The following GRM8 variants were observed in gnomAD, a reference collection of about 807,000 sequenced individuals.
GRM8 encodes metabotropic glutamate receptor 8.
Under a neutral mutation model 87.2 loss-of-function variants are expected in GRM8, and 47 were observed. That is an observed-to-expected ratio of 0.54 (90% CI 0.43 to 0.69). The LOEUF is 0.69. Ranked by LOEUF, GRM8 falls within the 30% of genes least tolerant of loss-of-function variation. The pLI is 0.00. For synonymous variants in GRM8, 396 were observed against 404.5 expected, an observed-to-expected ratio of 0.98 and a Z score of 0.25; for missense variants, 1,019 against 1,139.2, an observed-to-expected ratio of 0.89 and a Z score of 1.52.
intron 6 of GRM8, among the ~76,000 whole-genome samples, chr7:126,782,232 T>TA (rs1034120965): frequency 3.2e-4 from 48 of 151,746 alleles, no homozygotes; most frequent in Non-Finnish European, 6.3e-4. Flanking sequence ...TGGAGTGAAG[T>TA]AAAAAAAAAT....
At chr7:126,620,892 C>A (rs1800093383) in intron 7 of GRM8, among the ~76,000 whole-genome samples, 1 of 147,396 alleles carries the variant, frequency 6.8e-6, no homozygotes, top group African/African-American at 2.6e-5. Flanking sequence ...TAGTGCAATC[C>A]TCTCAGTTTT....
At chr7:127,084,250 T>C (rs1586951793) in intron 3 of GRM8, 1 of 152,192 alleles carries the variant, frequency 6.6e-6, no homozygotes, top group East Asian at 1.9e-4. Flanking sequence ...CAAGGCAGAA[T>C]GGATTGGTAG....
chr7:127,031,177 C>T (rs1817325258), intron 3 of GRM8, among the ~76,000 whole-genome samples: 1 of 152,142 alleles, frequency 6.6e-6, no homozygotes, highest in Non-Finnish European at 1.5e-5. Context: ...CAGACCTCCA[C>T]ATCCTGTATT....
intron 8 of GRM8, among the ~76,000 whole-genome samples, chr7:126,599,892 C>T (rs1487968269): frequency 2.0e-5 from 3 of 152,072 alleles, no homozygotes; most frequent in African/African-American, 4.8e-5. Context: ...CACTTCTAAA[C>T]CATCCCAGCC....
At chr7:126,440,015 A>G (rs1260632400) in intron 10 of GRM8, among the ~76,000 whole-genome samples, 1 of 152,132 alleles carries the variant, frequency 6.6e-6, no homozygotes, top group Non-Finnish European at 1.5e-5. Context: ...ATTTAAAAAG[A>G]ATAAAAAGTT....
intron 3 of GRM8, among the ~76,000 whole-genome samples, chr7:126,912,029 C>A (rs1186757510): frequency 6.6e-6 from 1 of 151,822 alleles, no homozygotes; most frequent in South Asian, 2.1e-4. Context: ...CCCGTCTCTA[C>A]TAAAAATACA....
At chr7:126,676,056 A>G (rs905102804) in intron 7 of GRM8, among the ~76,000 whole-genome samples, 20 of 152,340 alleles carry the variant, frequency 1.3e-4, no homozygotes, top group Admixed American at 5.9e-4. Flanking sequence ...TATAAAACCA[A>G]TGTACACAAA....
intron 2 of GRM8, 100 bp from the exon 3 acceptor site, chr7:127,106,812 A>T: frequency 1.2e-6 from 1 of 834,506 alleles, no homozygotes; most frequent in South Asian, 1.5e-5. Flanking sequence ...AGAAACCTAG[A>T]CATATCAACC....
At chr7:127,170,228 T>A (rs1793710295) in intron 2 of GRM8, among the ~76,000 whole-genome samples, 1 of 151,910 alleles carries the variant, frequency 6.6e-6, no homozygotes, top group Non-Finnish European at 1.5e-5. Context: ...CCAACAAACA[T>A]GAAAAAATGC....
rs71177562 is a variant in GRM8, at chr7:126,496,970, A to ATTTT, written c.2430+35978_2430+35981dup. ...TTCATAATAAGAGAATGAGTTTTGG[A>ATTTT]TTTTTTTTTTTTTTTTGCTGCTGCT... On this transcript the variant is annotated intron_variant, in intron 9 of 10. Coordinates refer to ENST00000339582, the MANE Select transcript of GRM8 (RefSeq NM_000845.3). 4.5e-4 allele frequency among the ~76,000 whole-genome samples: 64 copies of ATTTT among 143,032 alleles called. 1 individual carries two copies. The highest frequency in any genetic ancestry group is 1.4e-3 in the African/African-American group (55 of 38,930). The allele number at this position is 143,032 out of a possible 152,430, so 93.8% of individuals were successfully genotyped here.
At chr7:126,989,786 A>G (rs946601578) in intron 3 of GRM8, among the ~76,000 whole-genome samples, 1 of 147,892 alleles carries the variant, frequency 6.8e-6, no homozygotes, top group South Asian at 2.1e-4. Flanking sequence ...TACAAAATGT[A>G]CAGAAAATAA....
chr7:126,618,762 C>T (rs542284804), intron 7 of GRM8, among the ~76,000 whole-genome samples: 11 of 152,258 alleles, frequency 7.2e-5, no homozygotes, highest in Admixed American at 6.5e-4. Context: ...AGCCAACAGA[C>T]ACATGAAAAA....
At chr7:127,233,424 G>A (rs972039042) in intron 2 of GRM8, among the ~76,000 whole-genome samples, 3 of 152,068 alleles carry the variant, frequency 2.0e-5, no homozygotes, top group African/African-American at 7.3e-5. Flanking sequence ...ATTTGTTCTA[G>A]AAATAATATA....
chr7:127,152,110 G>A (rs2237795), intron 2 of GRM8, among the ~76,000 whole-genome samples: 101,608 of 151,928 alleles, frequency 0.67, 34,958 homozygotes, highest in African/African-American at 0.76. Flanking sequence ...AAACTACAGA[G>A]ACAGGGAAGA....
chr7:126,717,396 G>GCCA (rs1332921480), intron 7 of GRM8, among the ~76,000 whole-genome samples: 2 of 152,132 alleles, frequency 1.3e-5, no homozygotes, highest in Non-Finnish European at 2.9e-5. Flanking sequence ...AGGGACACGA[G>GCCA]TGCTGGGAGT....
At chr7:126,646,296 A>AAGGG (rs1233179841) in intron 7 of GRM8, among the ~76,000 whole-genome samples, 3 of 151,264 alleles carry the variant, frequency 2.0e-5, no homozygotes, top group Non-Finnish European at 3.0e-5. Flanking sequence ...GGAAGGAAGG[A>AAGGG]AGGAAGGAAA....
At chr7:126,657,983 A>C (rs1169816607) in intron 7 of GRM8, among the ~76,000 whole-genome samples, 1 of 152,274 alleles carries the variant, frequency 6.6e-6, no homozygotes, top group African/African-American at 2.4e-5. Context: ...CGGTTATATT[A>C]ATTTTTAAAG....
intron 6 of GRM8, among the ~76,000 whole-genome samples, chr7:126,895,120 G>GCACA (rs1025702737): frequency 6.6e-6 from 1 of 151,546 alleles, no homozygotes; most frequent in East Asian, 1.9e-4. Context: ...AGAAAAACAC[G>GCACA]CACACACACA....
intron 6 of GRM8, among the ~76,000 whole-genome samples, chr7:126,898,740 A>T (rs1261070668): frequency 6.6e-6 from 1 of 152,220 alleles, no homozygotes; most frequent in African/African-American, 2.4e-5. Context: ...GAACAGCTAC[A>T]TACCTCAACT....
Sources: allele counts gnomAD v4.1 joint callset (sites outside exome capture counted in the v4.1 genomes callset), GRCh38; gene constraint gnomAD v4.1.1; transcripts MANE v1.5; gene names NCBI Gene and HGNC (gene_info 2026-07-23, HGNC 2026-07-21).